Variants in CRB1 observed in about 807,000 individuals in gnomAD.
CRB1 encodes the protein crumbs cell polarity complex component 1, also known as protein crumbs homolog 1.
A neutral mutation model predicts 120.0 loss-of-function variants in CRB1; 83 were observed. That is an observed-to-expected ratio of 0.69 (90% CI 0.58 to 0.83). The LOEUF (loss-of-function observed/expected upper bound fraction) is 0.83, where lower values mean the gene tolerates loss of function less well. CRB1 is among the 40% of genes least tolerant of loss of function. The pLI is 0.00. For synonymous variants in CRB1, 625 were observed against 612.5 expected (o/e 1.02, Z -0.30); for missense variants, 1,699 against 1,687.6 (o/e 1.01, Z -0.12).
At chr1:197,267,404 G>A (rs998295575), upstream of CRB1, among the ~76,000 whole-genome samples, 1 of 152,058 alleles carries the variant, frequency 6.6e-6, no homozygotes, top group African/African-American at 2.4e-5. Context: ...AAATATTAGA[G>A]ACATGGGCAG....
the CRB1 span, among the ~76,000 whole-genome samples, chr1:197,263,200 G>T: frequency 3.0e-4 from 45 of 151,748 alleles, no homozygotes; most frequent in African/African-American, 1.1e-3. Flanking sequence ...GTTGTTTTTT[G>T]ACTTAAAAAA....
intron 7 of CRB1, among the ~76,000 whole-genome samples, chr1:197,428,802 T>C (rs1251486803): frequency 1.3e-5 from 2 of 152,354 alleles, no homozygotes; most frequent in Middle Eastern, 3.4e-3. Context: ...ACAGATGAAG[T>C]AACTGAAGTT....
upstream of CRB1, chr1:197,268,091 G>C (rs1383904364): frequency 3.0e-6 from 1 of 337,154 alleles, no homozygotes; most frequent in Admixed American, 3.9e-5. Flanking sequence ...TCTAATGTAG[G>C]CCCTTTTGAG....
At chr1:197,204,000 G>T in the CRB1 span, among the ~76,000 whole-genome samples, 339 of 151,036 alleles carry the variant, frequency 2.2e-3, 1 homozygote, top group South Asian at 3.0e-3. Flanking sequence ...TTATGCCTTT[G>T]CATCCTCATA....
intron 11 of CRB1, among the ~76,000 whole-genome samples, chr1:197,454,863 A>G (rs945428268): frequency 1.3e-5 from 2 of 152,212 alleles, no homozygotes; most frequent in Admixed American, 1.3e-4. Context: ...TTTTTCAGGC[A>G]AAGCTCTGAG....
chr1:197,451,102 G>T (rs1026023295), intron 11 of CRB1, among the ~76,000 whole-genome samples: 1 of 152,066 alleles, frequency 6.6e-6, no homozygotes, highest in Admixed American at 6.6e-5. Context: ...GCACCAAACA[G>T]GACTCCCATC....
intron 5 of CRB1, among the ~76,000 whole-genome samples, chr1:197,372,740 A>G (rs1661436644): frequency 6.6e-6 from 1 of 151,774 alleles, no homozygotes; most frequent in South Asian, 2.1e-4. Flanking sequence ...AAAAAAACTG[A>G]AACAAAGTTG....
At chr1:197,466,143 G>A (rs569253878) in intron 11 of CRB1, among the ~76,000 whole-genome samples, 18 of 152,264 alleles carry the variant, frequency 1.2e-4, no homozygotes, top group Admixed American at 4.6e-4. Context: ...GCAGGAGTTG[G>A]CACTGCTACC....
Position 197,432,395 on chromosome 1 carries a change from CACACACACAT to C in CRB1, c.2843-2309_2843-2300del, listed in dbSNP as rs1011272002. Among the ~76,000 whole-genome samples, 125 of 144,370 alleles carry C rather than the reference CACACACACAT, an allele frequency of 8.7e-4. 1 individual carries two copies. In the East Asian group the frequency reaches 0.019, roughly 22 times the overall value. The allele number at this position is 144,370 out of a possible 152,430, so 94.7% of individuals were successfully genotyped here. On this transcript the variant is annotated intron_variant, in intron 8 of 11. Coordinates refer to ENST00000367400, the MANE Select transcript of CRB1 (RefSeq NM_201253.3). The stretch of plus-strand genomic sequence containing the variant: ...ACACACACACACACACACACACACA[CACACACACAT>C]AGTAAAAAACAATAAGATCAAAGGA...
chr1:197,254,352 A>C, the CRB1 span, among the ~76,000 whole-genome samples: 3 of 152,204 alleles, frequency 2.0e-5, no homozygotes, highest in South Asian at 6.2e-4. Flanking sequence ...ACAAGAAAAA[A>C]TACTATAGGG....
chr1:197,449,232 T>G (rs906238749), intron 11 of CRB1, among the ~76,000 whole-genome samples: 5 of 152,228 alleles, frequency 3.3e-5, no homozygotes, highest in African/African-American at 1.2e-4. Context: ...TTGAATTTCC[T>G]TTTGTATATA....
chr1:197,256,940 T>C, the CRB1 span, among the ~76,000 whole-genome samples: 1 of 133,982 alleles, frequency 7.5e-6, no homozygotes, highest in Non-Finnish European at 1.7e-5. Context: ...TGCGTGTGTG[T>C]GTGTGTGTGT....
upstream of CRB1, among the ~76,000 whole-genome samples, chr1:197,266,567 A>T (rs35292467): frequency 5.9e-5 from 9 of 152,010 alleles, no homozygotes; most frequent in Non-Finnish European, 1.3e-4. Context: ...GTTTTTCTAA[A>T]GGAATTCCTG....
the CRB1 span, among the ~76,000 whole-genome samples, chr1:197,245,765 A>G: frequency 6.6e-6 from 1 of 152,020 alleles, no homozygotes; most frequent in African/African-American, 2.4e-5. Context: ...TGGGAAAGGG[A>G]TGGATGTTCC....
At chr1:197,420,694 G>A (rs1664257273) in intron 5 of CRB1, among the ~76,000 whole-genome samples, 1 of 152,076 alleles carries the variant, frequency 6.6e-6, no homozygotes, top group Non-Finnish European at 1.5e-5. Flanking sequence ...TCTTGTTTTT[G>A]TTTGTATGAT....
At chr1:197,249,802 C>G in the CRB1 span, among the ~76,000 whole-genome samples, 1 of 152,106 alleles carries the variant, frequency 6.6e-6, no homozygotes, top group East Asian at 1.9e-4. Flanking sequence ...AGATAATACT[C>G]TGACATTTTA....
At chr1:197,301,691 A>G (rs1175680464) in intron 1 of CRB1, among the ~76,000 whole-genome samples, 1 of 152,170 alleles carries the variant, frequency 6.6e-6, no homozygotes, top group East Asian at 1.9e-4. Flanking sequence ...CAAAATAGCA[A>G]CATTAACAAG....
At chr1:197,304,451 A>G in intron 1 of CRB1, 1 of 888,446 alleles carries the variant, frequency 1.1e-6, no homozygotes, top group Non-Finnish European at 1.3e-6. Flanking sequence ...TTCTCACTTA[A>G]CCTCTATGAT....
rs6662053 is a variant in CRB1, at chr1:197,347,527, T to C, written c.988+48T>C. ...CCAATTATTTTTCATTTGTTTAGAA[T>C]ACACATATCGCTTATAGCAAATGAA... On this transcript the variant is annotated intron_variant, in intron 4 of 11. Transcript: ENST00000367400. The C allele has an allele frequency of 3.1e-4, 494 of 1,578,282 alleles. 1 individual carries two copies. In the African/African-American group the frequency reaches 6.1e-3, roughly 20 times the overall value.
Sources: allele counts gnomAD v4.1 joint callset (sites outside exome capture counted in the v4.1 genomes callset), GRCh38; gene constraint gnomAD v4.1.1; transcripts MANE v1.5; gene names NCBI Gene and HGNC (gene_info 2026-07-23, HGNC 2026-07-21).